The following PRKAR2B variants were observed in gnomAD, a reference collection of about 807,000 sequenced individuals.
PRKAR2B encodes protein kinase cAMP-dependent type II regulatory subunit beta.
In PRKAR2B, 14 loss-of-function variants were observed where a neutral mutation model predicts 49.9. That is an observed-to-expected ratio of 0.28 (90% confidence interval 0.19 to 0.44). The LOEUF is 0.44. Among genes scored for constraint, PRKAR2B ranks in the 20% least tolerant of loss-of-function variants. The pLI is 1.00. For synonymous variants in PRKAR2B, 196 were observed against 197.7 expected (o/e 0.99, Z 0.07); for missense variants, 393 against 537.9 (o/e 0.73, Z 2.67).
At chr7:107,119,802 G>A (rs1254035466) in intron 2 of PRKAR2B, among the ~76,000 whole-genome samples, 1 of 152,170 alleles carries the variant, frequency 6.6e-6, no homozygotes, top group Admixed American at 6.5e-5. Context: ...ATTCAGGAAG[G>A]TAGTTACTAA....
chr7:107,097,619 A>G (rs535159068), intron 2 of PRKAR2B, among the ~76,000 whole-genome samples: 29 of 152,198 alleles, frequency 1.9e-4, no homozygotes, highest in Middle Eastern at 3.4e-3. Context: ...GGTCTTTACA[A>G]TTTGGCATGT....
At chr7:107,072,574 T>A (rs904752697) in intron 2 of PRKAR2B, among the ~76,000 whole-genome samples, 6 of 152,194 alleles carry the variant, frequency 3.9e-5, no homozygotes, top group Non-Finnish European at 8.8e-5. Flanking sequence ...TTAATTCTTA[T>A]AAAAGTTTGT....
intron 1 of PRKAR2B, chr7:107,068,770 A>G (rs760804702): frequency 5.9e-5 from 9 of 152,310 alleles, no homozygotes; most frequent in Non-Finnish European, 1.2e-4. Context: ...GATTTCAGGA[A>G]TCTGTATTTT....
intron 4 of PRKAR2B, among the ~76,000 whole-genome samples, chr7:107,137,594 A>G (rs770964045): frequency 6.6e-6 from 1 of 152,224 alleles, no homozygotes; most frequent in African/African-American, 2.4e-5. Context: ...AAGATCATGC[A>G]TATCTAAAAT....
chr7:107,139,267 T>A (rs909911938), intron 4 of PRKAR2B, among the ~76,000 whole-genome samples: 5 of 152,186 alleles, frequency 3.3e-5, no homozygotes, highest in Non-Finnish European at 7.4e-5. Flanking sequence ...GTGCACTGTT[T>A]AGCTTGAGCT....
chr7:107,150,879 C>A (rs1352591044), intron 6 of PRKAR2B, 43 bp from the exon 7 acceptor site: 8 of 991,482 alleles, frequency 8.1e-6, no homozygotes, highest in Non-Finnish European at 1.2e-5. Flanking sequence ...ATTTGTATAG[C>A]TTTACCCCCA....
chr7:107,155,326 G>A (rs1039725292), intron 8 of PRKAR2B, among the ~76,000 whole-genome samples: 7 of 152,280 alleles, frequency 4.6e-5, no homozygotes, highest in African/African-American at 1.7e-4. Flanking sequence ...GCTGAGGCAG[G>A]TAGATCACTT....
chr7:107,072,899 G>A (rs904219906), intron 2 of PRKAR2B, among the ~76,000 whole-genome samples: 2 of 152,136 alleles, frequency 1.3e-5, no homozygotes, highest in Non-Finnish European at 2.9e-5. Context: ...AAGAAAGTAA[G>A]TCAGGTAAAA....
intron 4 of PRKAR2B, among the ~76,000 whole-genome samples, chr7:107,132,436 AAG>A (rs1196474370): frequency 6.6e-6 from 1 of 152,218 alleles, no homozygotes; most frequent in African/African-American, 2.4e-5. Context: ...GATGGAGTTA[AAG>A]AGGGGAGAAA....
chr7:107,079,744 A>G (rs1379166098), intron 2 of PRKAR2B, among the ~76,000 whole-genome samples: 2 of 152,126 alleles, frequency 1.3e-5, no homozygotes, highest in East Asian at 3.8e-4. Context: ...TTGATGTTGT[A>G]GTTGCTTGTT....
intron 2 of PRKAR2B, among the ~76,000 whole-genome samples, chr7:107,079,235 C>T (rs1174203512): frequency 1.3e-5 from 2 of 152,080 alleles, no homozygotes; most frequent in Non-Finnish European, 2.9e-5. Flanking sequence ...CACTGCAGAC[C>T]AGCACTTTTG....
At chr7:107,086,049 A>G (rs1016229882) in intron 2 of PRKAR2B, among the ~76,000 whole-genome samples, 2 of 152,222 alleles carry the variant, frequency 1.3e-5, no homozygotes, top group Non-Finnish European at 2.9e-5. Flanking sequence ...TGATATTACA[A>G]AATTTTGAAA....
rs1037165271 is a variant in PRKAR2B, at chr7:107,089,755, G to T, written c.343+19439G>T. The stretch of plus-strand genomic sequence containing the variant: ...TTTATTCATTTGCTCAGCACAATTG[G>T]TTGGAAGAGAATAACTTCAGTTTTG... On this transcript the variant is annotated intron_variant, in intron 2 of 10. Transcript: ENST00000265717. Among the ~76,000 whole-genome samples the T allele has an allele frequency of 2.6e-5, 4 of 152,200 alleles. 1 individual carries two copies. In the South Asian group the frequency reaches 6.2e-4, roughly 24 times the overall value.
At chr7:107,093,332 C>G (rs1247829826) in intron 2 of PRKAR2B, among the ~76,000 whole-genome samples, 1 of 152,164 alleles carries the variant, frequency 6.6e-6, no homozygotes, top group African/African-American at 2.4e-5. Context: ...TACATTCCCA[C>G]TAACAGTTCA....
chr7:107,126,344 C>A (rs1425887701), intron 3 of PRKAR2B, among the ~76,000 whole-genome samples: 1 of 148,094 alleles, frequency 6.8e-6, no homozygotes, highest in African/African-American at 2.5e-5. Context: ...TGGCGTGAAC[C>A]CGGGAGGCGG....
chr7:107,147,670 A>T (rs899163065), intron 6 of PRKAR2B, among the ~76,000 whole-genome samples: 1 of 152,232 alleles, frequency 6.6e-6, no homozygotes, highest in Admixed American at 6.5e-5. Flanking sequence ...GTACTGCCTG[A>T]TGTCAGGCCA....
At chr7:107,156,800 C>T (rs1341223759) in intron 8 of PRKAR2B, among the ~76,000 whole-genome samples, 184 bp from the exon 9 acceptor site, 1 of 149,388 alleles carries the variant, frequency 6.7e-6, no homozygotes, top group East Asian at 2.0e-4. Context: ...AGTGAGACTC[C>T]GTCTCAAAAA....
intron 2 of PRKAR2B, among the ~76,000 whole-genome samples, chr7:107,093,006 G>A (rs963805803): frequency 2.6e-5 from 4 of 152,138 alleles, no homozygotes; most frequent in Non-Finnish European, 4.4e-5. Context: ...CTTTCACTTC[G>A]TGTAATGTTT....
intron 2 of PRKAR2B, among the ~76,000 whole-genome samples, chr7:107,097,386 A>C (rs116106531): frequency 6.6e-6 from 1 of 151,540 alleles, no homozygotes; most frequent in Non-Finnish European, 1.5e-5. Flanking sequence ...TCCCTTTATT[A>C]TGAAGCTATG....
Sources: allele counts gnomAD v4.1 joint callset (sites outside exome capture counted in the v4.1 genomes callset), GRCh38; gene constraint gnomAD v4.1.1; transcripts MANE v1.5; gene names NCBI Gene and HGNC (gene_info 2026-07-23, HGNC 2026-07-21).